The following COQ8A variants were observed in gnomAD, a reference collection of about 807,000 sequenced individuals.
COQ8A encodes atypical kinase COQ8A, mitochondrial.
COQ8A carries 51 observed loss-of-function variants against 65.0 expected under a neutral mutation model. That is an observed-to-expected ratio of 0.78 (90% CI 0.63 to 0.99). The LOEUF is 0.99. Among genes scored for constraint, COQ8A ranks in the 50% least tolerant of loss-of-function variants. The pLI, the probability that COQ8A is intolerant of heterozygous loss-of-function variation, is 0.00. For synonymous variants in COQ8A, 371 were observed against 353.2 expected (o/e 1.05, Z -0.57); for missense variants, 940 against 875.0 (o/e 1.07, Z -0.94).
At chr1:226,962,587 G>A (rs1005079759) in intron 2 of COQ8A, among the ~76,000 whole-genome samples, 1 of 152,204 alleles carries the variant, frequency 6.6e-6, no homozygotes, top group Non-Finnish European at 1.5e-5. Flanking sequence ...CTCCTTCCAC[G>A]TCTGTTCTGT....
At chr1:226,960,276 C>CTT (rs1658092727) in intron 1 of COQ8A, among the ~76,000 whole-genome samples, 2 of 13,100 alleles carry the variant, frequency 1.5e-4, no homozygotes, top group African/African-American at 3.6e-4. Context: ...TACTTGGTGG[C>CTT]GGTGGTACTT....
At chr1:226,947,215 C>T (rs1250695083) in intron 1 of COQ8A, among the ~76,000 whole-genome samples, 1 of 152,224 alleles carries the variant, frequency 6.6e-6, no homozygotes, top group Non-Finnish European at 1.5e-5. Flanking sequence ...CAGTGTTCTT[C>T]TCTGCTATCT....
At chr1:226,973,906 G>A (rs1488274459) in intron 4 of COQ8A, among the ~76,000 whole-genome samples, 4 of 152,194 alleles carry the variant, frequency 2.6e-5, no homozygotes, top group Admixed American at 2.6e-4. Flanking sequence ...TGCTGGTAGA[G>A]AAACTCCCCC....
intron 1 of COQ8A, among the ~76,000 whole-genome samples, chr1:226,958,983 T>C (rs1657987927): frequency 6.6e-6 from 1 of 152,222 alleles, no homozygotes; most frequent in Non-Finnish European, 1.5e-5. Context: ...TTGAGGGCTT[T>C]TATTTCTTTA....
Position 226,984,907 on chromosome 1 carries a change from AAT to A in COQ8A, c.1541_1542del (p.Tyr514Ter). The A allele has an allele frequency of 4.3e-6, 7 of 1,613,964 alleles. No homozygotes were observed. Among genetic ancestry groups the A allele is most frequent in the Non-Finnish European group, 5.9e-6 (7 of 1,179,960 alleles). ...CTTTTGGATTTTGGGGCAACGCGGG[AAT>A]ATGACAGATCCTTCACCGACCTCTA... On this transcript the variant is annotated frameshift_variant, in exon 13 of 15. Coordinates refer to ENST00000366777, the MANE Select transcript of COQ8A (RefSeq NM_020247.5). LOFTEE classifies it high-confidence loss of function.
At chr1:226,945,368 G>A (rs1056575383) in intron 1 of COQ8A, among the ~76,000 whole-genome samples, 5 of 152,198 alleles carry the variant, frequency 3.3e-5, no homozygotes, top group Admixed American at 2.0e-4. Flanking sequence ...GCTGGATGAG[G>A]GGTCCTGGGG....
chr1:226,949,750 A>G lies in COQ8A; in HGVS notation c.-10+9351A>G, dbSNP rs1371539057. 6.6e-6 allele frequency among the ~76,000 whole-genome samples: 1 copy of G among 152,176 alleles called. No homozygotes were observed. The highest frequency in any genetic ancestry group is 1.5e-5 in the Non-Finnish European group (1 of 68,036). ...ATTCCAGAATGTCTGTGTGCTTGCA[A>G]TACTACTACTAATAATAATGGCATT... On this transcript the variant is annotated intron_variant, in intron 1 of 14. Coordinates refer to ENST00000366777, the MANE Select transcript of COQ8A (RefSeq NM_020247.5). This position sits in a 1 kb window ranked among gnomAD's most constrained non-coding sequence, Gnocchi z 4.0.
intron 1 of COQ8A, among the ~76,000 whole-genome samples, chr1:226,948,871 G>T (rs1348666772): frequency 6.6e-6 from 1 of 152,180 alleles, no homozygotes; most frequent in East Asian, 1.9e-4. Flanking sequence ...GGAATCAAGG[G>T]CCTGAATAGG....
At chr1:226,986,393 C>T (rs918885279) in intron 14 of COQ8A, 60 bp from the exon 15 acceptor site, 8 of 1,588,392 alleles carry the variant, frequency 5.0e-6, no homozygotes, top group Non-Finnish European at 5.1e-6. Flanking sequence ...GTGGGAGGAA[C>T]CCGGGCTGGT....
At chr1:226,974,664 T>C (rs1175677274) in intron 4 of COQ8A, among the ~76,000 whole-genome samples, 1 of 152,150 alleles carries the variant, frequency 6.6e-6, no homozygotes, top group Non-Finnish European at 1.5e-5. Context: ...GTGCAGGAGC[T>C]CGTGAGGCCA....
intron 11 of COQ8A, 129 bp downstream of exon 11, chr1:226,984,364 CA>C (rs1659937586): frequency 7.0e-7 from 1 of 1,433,612 alleles, no homozygotes; most frequent in African/African-American, 1.4e-5. Flanking sequence ...AGTGAAGTAG[CA>C]CCAGTGGGAC....
chr1:226,975,145 C>G (rs1050170713), intron 4 of COQ8A: 3 of 152,196 alleles, frequency 2.0e-5, no homozygotes, highest in Non-Finnish European at 4.4e-5. Flanking sequence ...ATCGTGTGCT[C>G]GAGTGCTGGC....
At position 226,965,271 on chromosome 1, in the gene COQ8A, G is replaced by A. The variant is rs529931757; in HGVS notation, c.449G>A (p.Arg150Lys). Residue 150 changes from arginine to lysine, a missense_variant, in exon 3 of 15, where the codon AGA (arginine) becomes AAA (lysine). Physicochemically the swap from Arg to Lys is conservative, Grantham distance 26. Coordinates refer to ENST00000366777, the MANE Select transcript of COQ8A (RefSeq NM_020247.5). ...AACGGGAGGCTCTTTGCAAACCCCA[G>A]AGACTCATTCTCTGCCATGGGCTTT... ...RANGRLFANP[R>K]DSFSAMGFQR... The A allele has an allele frequency of 6.2e-7, 1 of 1,614,052 alleles. No individual in the cohort carries two copies. The highest frequency in any genetic ancestry group is 2.2e-5 in the East Asian group (1 of 44,876).
intron 2 of COQ8A, 118 bp downstream of exon 2, chr1:226,961,680 C>T (rs1344832986): frequency 7.9e-7 from 1 of 1,265,022 alleles, no homozygotes; most frequent in Non-Finnish European, 1.1e-6. Flanking sequence ...GGCCTGAGGG[C>T]CCACCAGCTA....
rs1211185637 is a variant in COQ8A, at chr1:226,965,156, A to G, written c.334A>G (p.Ser112Gly). 1.9e-6 allele frequency: 3 copies of G among 1,613,742 alleles called. No individual in the cohort carries two copies. Among genetic ancestry groups the G allele is most frequent in the Non-Finnish European group, 2.5e-6 (3 of 1,180,034 alleles). The change falls in exon 3 of 15, where the codon AGC (serine) becomes GGC (glycine). Residue 112 changes from serine to glycine, a missense_variant. Ser to Gly is a moderately conservative substitution (Grantham distance 56, BLOSUM62 0). Coordinates refer to ENST00000366777, the MANE Select transcript of COQ8A (RefSeq NM_020247.5). ...SAPPSLGHAHSEGPAPAYVAS... is the reference protein window; with the variant it reads ...SAPPSLGHAHGEGPAPAYVAS... ...GCCCCCATCCCTGGGTCATGCCCAC[A>G]GCGAGGGCCCAGCTCCTGCCTACGT...
rs757051153 is a variant in COQ8A at position 226,987,000 on chromosome 1, A to G, written c.*263A>G. 1.1e-5 allele frequency: 6 copies of G among 549,174 alleles called. No individual in the cohort carries two copies. The highest frequency in any genetic ancestry group is 2.0e-5 in the Non-Finnish European group (6 of 305,844). 34.0% of individuals were successfully genotyped at this position (549,174 alleles called of 1,614,324 possible). The stretch of plus-strand genomic sequence containing the variant: ...TCTGAAATAAGCAGATGAAGATGAA[A>G]GGGCAACTTTGTTTTCTTCTTTTTC... On this transcript the variant is annotated 3_prime_UTR_variant, in exon 15 of 15. Transcript: ENST00000366777.
At position 226,985,239 on chromosome 1, in the gene COQ8A, T is replaced by C. The variant is rs763479750; in HGVS notation, c.1573-15T>C. 2.0e-5 allele frequency: 32 copies of C among 1,612,712 alleles called. No homozygotes were observed. Among genetic ancestry groups the C allele is most frequent in the Non-Finnish European group, 2.7e-5 (32 of 1,179,714 alleles). On this transcript the variant is annotated splice_polypyrimidine_tract_variant and intron_variant, in intron 13 of 14. Coordinates refer to ENST00000366777, the MANE Select transcript of COQ8A (RefSeq NM_020247.5). ...TTTCATGCTGCCCACGGTCCCCTCC[T>C]GTGCCTCTCCCCAGATCATCAGGGC...
At chr1:226,963,544 C>T (rs1658380559) in intron 2 of COQ8A, among the ~76,000 whole-genome samples, 1 of 152,242 alleles carries the variant, frequency 6.6e-6, no homozygotes, top group Non-Finnish European at 1.5e-5. Context: ...CCTGCCCAGG[C>T]TCCCTCACTG....
rs773910863 is a variant in COQ8A, at chr1:226,982,896, A to G, written c.942A>G (p.Lys314=). 6.2e-7 allele frequency: 1 copy of G among 1,612,738 alleles called. No homozygotes were observed. Among genetic ancestry groups the G allele is most frequent in the Admixed American group, 1.7e-5 (1 of 60,016 alleles). The change falls in exon 8 of 15, where the codon AAA becomes AAG. Residue 314 remains lysine (K), a splice_region_variant and synonymous_variant. Transcript: ENST00000366777. ...CCCTCCCTGGCCCTGCCCTTCAGAA[A>G]ACTCTCAACAACGACCTGGGCCCCA... ...ADFMPLKQMM[K]TLNNDLGPNW... is the part of the protein sequence containing the mutation.
Sources: gnomAD v4.1 joint callset for allele counts (sites outside exome capture counted in the v4.1 genomes callset) on GRCh38, gnomAD v4.1.1 for gene constraint, Gnocchi (gnomAD v3.1) non-coding constraint, MANE v1.5 for transcripts, NCBI Gene and HGNC (gene_info 2026-07-23, HGNC 2026-07-21) for gene names.